Variants in CDH18 observed in about 807,000 individuals in gnomAD.
CDH18 encodes cadherin-18.
In CDH18, 31 loss-of-function variants were observed where a neutral mutation model predicts 67.9. The ratio of observed to expected loss-of-function variants is 0.46; its 90% CI spans 0.34 to 0.62. The LOEUF (loss-of-function observed/expected upper bound fraction) is 0.62. Ranked by LOEUF, CDH18 falls within the 20% of genes least tolerant of loss-of-function variation. The pLI, the probability that CDH18 is intolerant of heterozygous loss-of-function variation, is 0.01. For synonymous variants in CDH18, 362 were observed against 347.2 expected (o/e 1.04, Z -0.48); for missense variants, 890 against 975.5 (o/e 0.91, Z 1.17).
At chr5:20,441,606 G>C (rs1749609237) in intron 1 of CDH18, among the ~76,000 whole-genome samples, 1 of 151,872 alleles carries the variant, frequency 6.6e-6, no homozygotes, top group South Asian at 2.1e-4. Context: ...CTGTTTAATA[G>C]AGTCAATATA....
intron 1 of CDH18, among the ~76,000 whole-genome samples, chr5:20,502,974 G>GA (rs1235051026): frequency 6.7e-6 from 1 of 149,016 alleles, no homozygotes; most frequent in South Asian, 2.2e-4. Flanking sequence ...GCTTTTATGA[G>GA]AAAAAGGTCA....
At chr5:19,914,331 A>G (rs1054247604) in intron 2 of CDH18, among the ~76,000 whole-genome samples, 2 of 151,996 alleles carry the variant, frequency 1.3e-5, no homozygotes, top group African/African-American at 4.8e-5. Flanking sequence ...AAAGTTATAT[A>G]CTCTCCCCAG....
intron 5 of CDH18, among the ~76,000 whole-genome samples, chr5:19,718,242 C>T (rs766309053): frequency 5.3e-5 from 8 of 151,874 alleles, no homozygotes; most frequent in Non-Finnish European, 1.0e-4. Context: ...CTCACAAGTC[C>T]ACATTTTGAG....
chr5:19,745,735 C>G (rs990219728), intron 4 of CDH18, among the ~76,000 whole-genome samples: 2 of 152,140 alleles, frequency 1.3e-5, no homozygotes, highest in Admixed American at 1.3e-4. Context: ...CCAGAGGGAA[C>G]GAGTTTGGCA....
chr5:20,435,671 A>G (rs917731333), intron 1 of CDH18, among the ~76,000 whole-genome samples: 9 of 152,050 alleles, frequency 5.9e-5, no homozygotes, highest in African/African-American at 2.2e-4. Context: ...CAAGATCATG[A>G]GAAGAAAATA....
upstream of CDH18, among the ~76,000 whole-genome samples, chr5:19,989,545 A>C (rs1799861037): frequency 6.6e-6 from 1 of 152,318 alleles, no homozygotes; most frequent in South Asian, 2.1e-4. Flanking sequence ...TGAAGATTTA[A>C]AAAATCTGTA....
intron 4 of CDH18, among the ~76,000 whole-genome samples, chr5:19,724,886 C>T (rs993640866): frequency 5.9e-5 from 9 of 151,758 alleles, no homozygotes; most frequent in Admixed American, 2.0e-4. Context: ...CTATCTCTTC[C>T]ACTATAAAGT....
chr5:19,932,573 C>T (rs1261143336), intron 2 of CDH18, among the ~76,000 whole-genome samples: 1 of 151,412 alleles, frequency 6.6e-6, no homozygotes, highest in African/African-American at 2.4e-5. Flanking sequence ...CCACAATACA[C>T]ACACCTTGAA....
chr5:20,440,604 T>C (rs1370093421), intron 1 of CDH18, among the ~76,000 whole-genome samples: 1 of 151,966 alleles, frequency 6.6e-6, no homozygotes, highest in Admixed American at 6.5e-5. Flanking sequence ...CAATGTGGAG[T>C]CAGCAACAGG....
chr5:19,505,770 T>G (rs1402766392), intron 10 of CDH18, among the ~76,000 whole-genome samples: 1 of 152,162 alleles, frequency 6.6e-6, no homozygotes, highest in African/African-American at 2.4e-5. Flanking sequence ...GATATTGGTC[T>G]AAAATTCTCT....
chr5:19,473,324 G>A lies in CDH18; in HGVS notation c.2275C>T (p.Gln759Ter). The part of the protein sequence containing the change: ...SISSLDSATT[Q>*]SDQDYHYLGD... ...AGGTAGTGATAATCCTGGTCTGATT[G>A]TGTCGTTGCTGAATCCAGCGAGCTG... Residue 759 changes from glutamine (Q) to a stop codon, truncating the protein, a stop_gained, in exon 13 of 13, where the codon CAA becomes TAA. Coordinates refer to ENST00000382275, the MANE Select transcript of CDH18 (RefSeq NM_004934.5). LOFTEE classifies it high-confidence loss of function. The A allele has an allele frequency of 6.2e-7, 1 of 1,613,886 alleles. No homozygotes were observed. Among genetic ancestry groups the A allele is most frequent in the Non-Finnish European group, 8.5e-7 (1 of 1,179,892 alleles).
At chr5:19,978,551 T>C (rs760842945) in intron 2 of CDH18, among the ~76,000 whole-genome samples, 18 of 152,272 alleles carry the variant, frequency 1.2e-4, no homozygotes, top group Middle Eastern at 3.4e-3. Context: ...ACTAAGTTAT[T>C]ATCTTGCAGC....
intron 1 of CDH18, among the ~76,000 whole-genome samples, chr5:20,342,349 A>T (rs1021305818): frequency 6.6e-6 from 1 of 152,112 alleles, no homozygotes; most frequent in Admixed American, 6.5e-5. Flanking sequence ...TACCTGACCC[A>T]TGCTGCCATC....
chr5:20,464,355 G>A (rs10067934), intron 1 of CDH18, among the ~76,000 whole-genome samples: 43,211 of 152,014 alleles, frequency 0.28, 6,410 homozygotes, highest in East Asian at 0.39. Context: ...TAGAATGTGT[G>A]TTAATGCATG....
At chr5:19,849,226 G>A (rs993044195) in intron 2 of CDH18, among the ~76,000 whole-genome samples, 1 of 152,016 alleles carries the variant, frequency 6.6e-6, no homozygotes, top group Non-Finnish European at 1.5e-5. Context: ...GTATTGGCAT[G>A]AGAGTCAGCA....
intron 2 of CDH18, among the ~76,000 whole-genome samples, chr5:20,098,789 A>C (rs1318778498): frequency 1.3e-5 from 2 of 152,128 alleles, no homozygotes; most frequent in Admixed American, 1.3e-4. Context: ...AGGAGAACTA[A>C]AGAACATTTA....
intron 1 of CDH18, among the ~76,000 whole-genome samples, chr5:20,373,320 TCA>T (rs1345622882): frequency 6.6e-6 from 1 of 152,138 alleles, no homozygotes; most frequent in Non-Finnish European, 1.5e-5. Context: ...CCTAGATGCT[TCA>T]GTTTCCTTTC....
At chr5:19,608,411 CT>C (rs1334390731) in intron 6 of CDH18, among the ~76,000 whole-genome samples, 3 of 150,848 alleles carry the variant, frequency 2.0e-5, no homozygotes, top group Non-Finnish European at 4.4e-5. Flanking sequence ...TTTTCTTTTT[CT>C]TTTAATTTGT....
intron 1 of CDH18, among the ~76,000 whole-genome samples, chr5:20,486,151 G>C (rs1252106756): frequency 6.6e-6 from 1 of 152,182 alleles, no homozygotes; most frequent in Non-Finnish European, 1.5e-5. Flanking sequence ...TTGTAAATGT[G>C]AATGGAAGAC....
Sources: allele counts gnomAD v4.1 joint callset (sites outside exome capture counted in the v4.1 genomes callset), GRCh38; gene constraint gnomAD v4.1.1; transcripts MANE v1.5; gene names NCBI Gene and HGNC (gene_info 2026-07-23, HGNC 2026-07-21).